The following AKAP7 variants were observed in gnomAD, a reference collection of about 807,000 sequenced individuals.
AKAP7 encodes the protein A-kinase anchoring protein 7.
In AKAP7, 39 loss-of-function variants were observed where a neutral mutation model predicts 39.5. The ratio of observed to expected loss-of-function variants is 0.99; its 90% CI spans 0.76 to 1.29. The LOEUF (loss-of-function observed/expected upper bound fraction) is 1.29. Ranked by LOEUF, AKAP7 falls within the 50% of genes most tolerant of loss-of-function variation. The pLI, the probability that AKAP7 is intolerant of heterozygous loss-of-function variation, is 0.00. For synonymous variants in AKAP7, 140 were observed against 139.1 expected, an observed-to-expected ratio of 1.01 and a Z score of -0.05; for missense variants, 414 against 407.7, an observed-to-expected ratio of 1.02 and a Z score of -0.13.
intron 7 of AKAP7, among the ~76,000 whole-genome samples, chr6:131,226,226 A>G (rs1810152174): frequency 6.6e-6 from 1 of 152,236 alleles, no homozygotes; most frequent in Non-Finnish European, 1.5e-5. Context: ...ACCTCCTGCC[A>G]GCTGTTGCCT....
chr6:131,215,230 C>G (rs1809039056), intron 6 of AKAP7, among the ~76,000 whole-genome samples: 1 of 152,112 alleles, frequency 6.6e-6, no homozygotes, highest in Admixed American at 6.5e-5. Flanking sequence ...GGTGGGGTGT[C>G]AGGGCCTCAG....
upstream of AKAP7, among the ~76,000 whole-genome samples, chr6:131,131,144 T>C (rs1337054600): frequency 6.6e-6 from 1 of 152,170 alleles, no homozygotes; most frequent in African/African-American, 2.4e-5. Flanking sequence ...CAGGGTCTTA[T>C]GAACCAAAGT....
At chr6:131,170,601 G>T (rs1388563583) in intron 5 of AKAP7, among the ~76,000 whole-genome samples, 2 of 152,148 alleles carry the variant, frequency 1.3e-5, no homozygotes, top group African/African-American at 4.8e-5. Flanking sequence ...GATCTATTGG[G>T]ACATCCTTTT....
chr6:131,188,382 A>T (rs1806075002), intron 5 of AKAP7, among the ~76,000 whole-genome samples: 1 of 152,214 alleles, frequency 6.6e-6, no homozygotes, highest in Non-Finnish European at 1.5e-5. Flanking sequence ...GTTTCAGGTG[A>T]CGAAAAGTGA....
At chr6:131,268,742 C>T (rs1814024968) in intron 7 of AKAP7, among the ~76,000 whole-genome samples, 1 of 152,158 alleles carries the variant, frequency 6.6e-6, no homozygotes, top group African/African-American at 2.4e-5. Flanking sequence ...AAAGAAAAGT[C>T]TGTATTCTCA....
chr6:131,166,242 TTGTC>T (rs1168221749), intron 4 of AKAP7, among the ~76,000 whole-genome samples: 4 of 152,170 alleles, frequency 2.6e-5, no homozygotes, highest in East Asian at 1.9e-4. Flanking sequence ...TTGCCTGACT[TTGTC>T]TGATCACTTT....
intron 5 of AKAP7, among the ~76,000 whole-genome samples, chr6:131,178,300 G>A (rs1804768698): frequency 6.6e-6 from 1 of 152,140 alleles, no homozygotes; most frequent in Non-Finnish European, 1.5e-5. Flanking sequence ...TTCTTTATTT[G>A]TGCAATGGGC....
intron 1 of AKAP7, among the ~76,000 whole-genome samples, chr6:131,143,517 G>T (rs1188978417): frequency 6.6e-6 from 1 of 152,100 alleles, no homozygotes; most frequent in Non-Finnish European, 1.5e-5. Context: ...CTGGCACTGT[G>T]CTTTGTGTGC....
intron 7 of AKAP7, among the ~76,000 whole-genome samples, chr6:131,241,577 A>ATATATATGTGTGTG (rs1349874555): frequency 3.7e-5 from 3 of 81,244 alleles, no homozygotes; most frequent in Non-Finnish European, 4.7e-5. Flanking sequence ...GATTATATAT[A>ATATATATGTGTGTG]TGTGTGTGTG....
intron 7 of AKAP7, among the ~76,000 whole-genome samples, chr6:131,265,226 C>T (rs1317555042): frequency 6.6e-6 from 1 of 152,146 alleles, no homozygotes; most frequent in Non-Finnish European, 1.5e-5. Context: ...CCTCTGCCTC[C>T]CGGGTTCAAG....
At chr6:131,254,487 G>C (rs1290308182) in intron 7 of AKAP7, among the ~76,000 whole-genome samples, 1 of 152,196 alleles carries the variant, frequency 6.6e-6, no homozygotes, top group Non-Finnish European at 1.5e-5. Flanking sequence ...TAACTATGTA[G>C]ATACCTCTGT....
At chr6:131,125,782 G>A in the AKAP7 span, among the ~76,000 whole-genome samples, 1 of 152,210 alleles carries the variant, frequency 6.6e-6, no homozygotes, top group Non-Finnish European at 1.5e-5. Context: ...TGAATATGGA[G>A]TTCCTCAGGA....
chr6:131,197,636 G>A lies in AKAP7; in HGVS notation c.590-1825G>A, dbSNP rs193146905. 1.4e-4 allele frequency among the ~76,000 whole-genome samples: 21 copies of A among 151,968 alleles called. No homozygotes were observed. In the East Asian group the frequency reaches 3.1e-3, roughly 22 times the overall value. ...TTGTTTTCAAATTTACCAATATTTT[G>A]CTCTGCTGTGTCTCACCTGTTATTT... On this transcript the variant is annotated intron_variant, in intron 5 of 7. Transcript: ENST00000431975.
intron 2 of AKAP7, among the ~76,000 whole-genome samples, chr6:131,149,209 T>C (rs1367317671): frequency 1.3e-5 from 2 of 152,264 alleles, no homozygotes; most frequent in Non-Finnish European, 2.9e-5. Context: ...ATGTAGAGAC[T>C]TTTATTAGGG....
intron 7 of AKAP7, chr6:131,242,306 C>G (rs1171001480): frequency 6.3e-6 from 4 of 632,970 alleles, no homozygotes; most frequent in African/African-American, 6.0e-5. Context: ...CAACTTGGAT[C>G]ATAATAAGCG....
rs527968081 is a variant in AKAP7 at position 131,151,078 on chromosome 6, T to C, written c.151+5662T>C. ...TGTTTTTTGAGATGTAGTCTGGTGCTGTCACCCAGGCTGGAGTGTAGTGGT... is the reference window on the plus strand; with the variant it reads ...TGTTTTTTGAGATGTAGTCTGGTGCCGTCACCCAGGCTGGAGTGTAGTGGT... On this transcript the variant is annotated intron_variant, in intron 2 of 7. Coordinates refer to ENST00000431975, the MANE Select transcript of AKAP7 (RefSeq NM_016377.4). 3.3e-5 allele frequency among the ~76,000 whole-genome samples: 5 copies of C among 152,244 alleles called. No homozygotes were observed. The South Asian group carries it at 1.0e-3, about 32-fold the overall frequency.
At chr6:131,164,687 T>C (rs1467738248) in intron 3 of AKAP7, among the ~76,000 whole-genome samples, 1 of 152,212 alleles carries the variant, frequency 6.6e-6, no homozygotes, top group African/African-American at 2.4e-5. Flanking sequence ...GCTTGACCTT[T>C]CTGTGGCAAG....
intron 7 of AKAP7, among the ~76,000 whole-genome samples, chr6:131,269,521 A>G (rs941171350): frequency 2.4e-4 from 36 of 152,216 alleles, no homozygotes; most frequent in African/African-American, 7.0e-4. Context: ...TGGTTACCAT[A>G]TAGTAGAGAA....
chr6:131,138,326 T>C (rs577868993), intron 1 of AKAP7, among the ~76,000 whole-genome samples: 35 of 152,380 alleles, frequency 2.3e-4, no homozygotes, highest in African/African-American at 7.9e-4. Context: ...TAGTACTCCA[T>C]TGTATATATG....
Sources: gnomAD v4.1 joint callset for allele counts (sites outside exome capture counted in the v4.1 genomes callset) on GRCh38, gnomAD v4.1.1 for gene constraint, MANE v1.5 for transcripts, NCBI Gene and HGNC (gene_info 2026-07-23, HGNC 2026-07-21) for gene names.